The following GPR176 variants were observed in gnomAD, a reference collection of about 807,000 sequenced individuals.
GPR176 encodes the protein G protein-coupled receptor 176, also known as G-protein coupled receptor 176.
GPR176 carries 26 observed loss-of-function variants against 35.4 expected under a neutral mutation model. That is an observed-to-expected ratio of 0.74 (90% CI 0.54 to 1.02). The LOEUF (loss-of-function observed/expected upper bound fraction) is 1.02. Ranked by LOEUF, GPR176 falls within the 50% of genes least tolerant of loss-of-function variation. GPR176 has a pLI of 0.00. For synonymous variants in GPR176, 278 were observed against 271.3 expected (o/e 1.02, Z -0.24); for missense variants, 597 against 665.3 (o/e 0.90, Z 1.13).
intron 1 of GPR176, 141 bp downstream of exon 1, chr15:39,919,714 C>T: frequency 1.8e-6 from 1 of 561,318 alleles, no homozygotes; most frequent in East Asian, 3.5e-5. Context: ...CTGCAGCTAC[C>T]CGGGATCCTT....
chr15:39,863,674 C>A (rs1301982258), intron 1 of GPR176, among the ~76,000 whole-genome samples: 6 of 152,156 alleles, frequency 3.9e-5, no homozygotes, highest in Non-Finnish European at 8.8e-5. Flanking sequence ...AATTTCCAGT[C>A]CTGCAAGCTC....
At chr15:39,839,924 A>T (rs1356163410) in intron 1 of GPR176, among the ~76,000 whole-genome samples, 1 of 152,238 alleles carries the variant, frequency 6.6e-6, no homozygotes, top group Non-Finnish European at 1.5e-5. Context: ...AATCAAAACC[A>T]CAATGAGATA....
intron 1 of GPR176, among the ~76,000 whole-genome samples, chr15:39,903,949 G>A (rs2033351721): frequency 6.6e-6 from 1 of 152,162 alleles, no homozygotes; most frequent in African/African-American, 2.4e-5. Flanking sequence ...AGCCCCAAGG[G>A]CTGCTGGTTG....
intron 1 of GPR176, among the ~76,000 whole-genome samples, chr15:39,849,748 C>T (rs957445227): frequency 2.0e-5 from 3 of 152,230 alleles, no homozygotes; most frequent in Admixed American, 6.5e-5. Flanking sequence ...ACTTCCTAAA[C>T]GTGATAAACA....
intron 1 of GPR176, among the ~76,000 whole-genome samples, chr15:39,878,500 A>G (rs371583465): frequency 2.6e-5 from 3 of 116,400 alleles, no homozygotes; most frequent in East Asian, 2.6e-4. Context: ...GTGTGTGTGT[A>G]TCACATTTTT....
intron 1 of GPR176, among the ~76,000 whole-genome samples, chr15:39,852,016 C>A (rs1056507890): frequency 6.6e-6 from 1 of 152,120 alleles, no homozygotes; most frequent in African/African-American, 2.4e-5. Flanking sequence ...CAGATTCAGC[C>A]CACAAGGCAA....
At chr15:39,850,849 G>A (rs1325008539) in intron 1 of GPR176, among the ~76,000 whole-genome samples, 2 of 151,612 alleles carry the variant, frequency 1.3e-5, no homozygotes, top group Non-Finnish European at 2.9e-5. Context: ...GAGAATGAAT[G>A]ATTAAAAAAA....
chr15:39,824,094 C>T (rs962248678), intron 1 of GPR176, among the ~76,000 whole-genome samples: 6 of 152,144 alleles, frequency 3.9e-5, no homozygotes, highest in African/African-American at 1.4e-4. Context: ...GTGGTTCACA[C>T]AAGAATTGGT....
At chr15:39,814,036 T>C (rs190734469) in intron 1 of GPR176, among the ~76,000 whole-genome samples, 10 of 152,318 alleles carry the variant, frequency 6.6e-5, no homozygotes, top group Admixed American at 5.9e-4. Context: ...ACTAAAATGT[T>C]TGCAACCATG....
chr15:39,916,345 G>T (rs1323833862), intron 1 of GPR176, among the ~76,000 whole-genome samples: 1 of 152,128 alleles, frequency 6.6e-6, no homozygotes, highest in Non-Finnish European at 1.5e-5. Context: ...CCAAGATGTT[G>T]TATAAAGAAG....
intron 1 of GPR176, among the ~76,000 whole-genome samples, chr15:39,872,598 T>A (rs1160928005): frequency 6.6e-6 from 1 of 152,104 alleles, no homozygotes; most frequent in African/African-American, 2.4e-5. Flanking sequence ...GCTGGGTAAT[T>A]TACAAGAAAA....
intron 1 of GPR176, among the ~76,000 whole-genome samples, chr15:39,808,195 C>A (rs1899320911): frequency 6.6e-6 from 1 of 152,122 alleles, no homozygotes; most frequent in Non-Finnish European, 1.5e-5. Flanking sequence ...AAATTCATGT[C>A]CTAAAGTAGG....
chr15:39,875,191 A>G (rs1272529643), intron 1 of GPR176, among the ~76,000 whole-genome samples: 1 of 152,200 alleles, frequency 6.6e-6, no homozygotes, highest in African/African-American at 2.4e-5. Flanking sequence ...TGTTTGGAAT[A>G]ATGGCTTTGT....
chr15:39,821,205 A>C (rs969166140), intron 1 of GPR176, among the ~76,000 whole-genome samples: 1 of 151,980 alleles, frequency 6.6e-6, no homozygotes, highest in Non-Finnish European at 1.5e-5. Flanking sequence ...CAATTTTGAA[A>C]ATGCTATTAG....
intron 1 of GPR176, among the ~76,000 whole-genome samples, chr15:39,857,711 G>A (rs938815535): frequency 1.2e-4 from 19 of 152,014 alleles, no homozygotes; most frequent in Non-Finnish European, 2.2e-4. Flanking sequence ...GCTTGTGCCT[G>A]TAATCCCAGC....
chr15:39,803,194 G>T (rs370586636), intron 2 of GPR176, among the ~76,000 whole-genome samples: 1 of 150,792 alleles, frequency 6.6e-6, no homozygotes, highest in African/African-American at 2.4e-5. Flanking sequence ...TAATGCTGGG[G>T]TTGACCTTAC....
intron 2 of GPR176, among the ~76,000 whole-genome samples, chr15:39,806,579 A>T (rs547933240): frequency 9.8e-5 from 15 of 152,366 alleles, no homozygotes; most frequent in African/African-American, 3.6e-4. Context: ...CAAGTGGACC[A>T]TCTAATCGCT....
In GPR176 at chr15:39,869,403, C is replaced by T. The variant is rs77395720; in HGVS notation, c.172+50452G>A. 2.7e-3 allele frequency among the ~76,000 whole-genome samples: 416 copies of T among 152,272 alleles called. 17 individuals are homozygous for T. In the East Asian group the frequency reaches 0.07, roughly 26 times the overall value. ...GGCAATGGCAAGGTGCTCATGACATCGCTACCGAGCTGTGGAGAAGAAACA... is the reference window on the plus strand; with the variant it reads ...GGCAATGGCAAGGTGCTCATGACATTGCTACCGAGCTGTGGAGAAGAAACA... On this transcript the variant is annotated intron_variant, in intron 1 of 2. Transcript: ENST00000561100.
At chr15:39,858,424 A>G (rs1344197298) in intron 1 of GPR176, among the ~76,000 whole-genome samples, 1 of 152,082 alleles carries the variant, frequency 6.6e-6, no homozygotes, top group Non-Finnish European at 1.5e-5. Flanking sequence ...AAAAAAAAAT[A>G]CCATTGAAGG....
Sources: allele counts gnomAD v4.1 joint callset (sites outside exome capture counted in the v4.1 genomes callset), GRCh38; gene constraint gnomAD v4.1.1; transcripts MANE v1.5; gene names NCBI Gene and HGNC (gene_info 2026-07-23, HGNC 2026-07-21).